The following EPHA6 variants were observed in gnomAD, a reference collection of about 807,000 sequenced individuals.
The protein encoded by EPHA6 is EPH receptor A6.
A neutral mutation model predicts 112.0 loss-of-function variants in EPHA6; 50 were observed. That is an observed-to-expected ratio of 0.45 (90% CI 0.36 to 0.56). The LOEUF is 0.56. Ranked by LOEUF, EPHA6 falls within the 20% of genes least tolerant of loss-of-function variation. The pLI is 0.00. For missense variants in EPHA6, 1,280 were observed against 1,417.4 expected (o/e 0.90, Z 1.56); for synonymous variants, 529 against 490.7 (o/e 1.08, Z -1.03).
At chr3:97,572,525 T>G (rs1351400003) in intron 11 of EPHA6, 1 of 152,170 alleles carries the variant, frequency 6.6e-6, no homozygotes, top group African/African-American at 2.4e-5. Flanking sequence ...ACATGTTTAT[T>G]GGATTATAAG....
chr3:97,677,869 G>C (rs1277158496), intron 14 of EPHA6, among the ~76,000 whole-genome samples: 1 of 151,994 alleles, frequency 6.6e-6, no homozygotes, highest in East Asian at 1.9e-4. Context: ...AAAAGAAGAG[G>C]AGTTAAAAGA....
Position 97,300,439 on chromosome 3 carries a change from G to C in EPHA6, c.1606+56152G>C, listed in dbSNP as rs1483679295. On this transcript the variant is annotated intron_variant, in intron 5 of 17. Coordinates refer to ENST00000389672, the MANE Select transcript of EPHA6 (RefSeq NM_001080448.3). ...AAGACAGTGCTCATACCCCACCCCA[G>C]TCACTCAAAGTGCACCCACCATACA... Among the ~76,000 whole-genome samples, 59 of 152,046 alleles carry C rather than the reference G, an allele frequency of 3.9e-4. 2 individuals are homozygous for C. Among genetic ancestry groups the C allele is most frequent in the Admixed American group, 3.9e-3 (59 of 15,254 alleles).
intron 14 of EPHA6, among the ~76,000 whole-genome samples, chr3:97,684,115 C>T (rs980290777): frequency 6.6e-6 from 1 of 152,072 alleles, no homozygotes; most frequent in Non-Finnish European, 1.5e-5. Context: ...GTCTACCTCC[C>T]CATGAAAATA....
At chr3:97,589,185 T>A (rs2107330576) in intron 11 of EPHA6, among the ~76,000 whole-genome samples, 1 of 151,760 alleles carries the variant, frequency 6.6e-6, no homozygotes, top group South Asian at 2.1e-4. Flanking sequence ...TAGCTCATGA[T>A]CTCTCGTTAG....
rs1577347978 is a variant in EPHA6 at position 97,424,011 on chromosome 3, A to G, written c.1731+18737A>G. 6.6e-5 allele frequency among the ~76,000 whole-genome samples: 10 copies of G among 152,310 alleles called. No homozygotes were observed. In the South Asian group the frequency reaches 2.1e-3, roughly 32 times the overall value. ...CTCTTCTCAGGCTGCTAATAAACAC[A>G]TACTTGAGACTGGGTAATTTATAAA... On this transcript the variant is annotated intron_variant, in intron 6 of 17. Coordinates refer to ENST00000389672, the MANE Select transcript of EPHA6 (RefSeq NM_001080448.3).
rs117712156 is a variant in EPHA6 at position 97,546,807 on chromosome 3, T to C, written c.2386+14264T>C. Among the ~76,000 whole-genome samples the C allele has an allele frequency of 1.3e-3, 201 of 152,306 alleles. 10 individuals are homozygous for C. In the East Asian group the frequency reaches 0.036, roughly 27 times the overall value. ...CTAAACTTCTCTTCTCACTTTATTTTGTTCATTTCCTCTTCCATCACTGAT... is the reference window on the plus strand; with the variant it reads ...CTAAACTTCTCTTCTCACTTTATTTCGTTCATTTCCTCTTCCATCACTGAT... On this transcript the variant is annotated intron_variant, in intron 11 of 17. Transcript: ENST00000389672.
chr3:96,938,297 C>G (rs551390269), intron 2 of EPHA6, among the ~76,000 whole-genome samples: 17 of 152,020 alleles, frequency 1.1e-4, no homozygotes, highest in South Asian at 6.2e-4. Context: ...GCAGTGGTTT[C>G]TAGTTCTCCT....
At chr3:96,964,616 C>T (rs1308717323) in intron 2 of EPHA6, among the ~76,000 whole-genome samples, 5 of 152,102 alleles carry the variant, frequency 3.3e-5, no homozygotes, top group Admixed American at 3.3e-4. Flanking sequence ...CTGATTGATG[C>T]ATACGTTTCA....
At chr3:96,878,053 G>A (rs531563783) in intron 2 of EPHA6, among the ~76,000 whole-genome samples, 3 of 151,630 alleles carry the variant, frequency 2.0e-5, no homozygotes, top group African/African-American at 7.2e-5. Context: ...CAAATTATAG[G>A]CTTACCTTAA....
intron 5 of EPHA6, among the ~76,000 whole-genome samples, chr3:97,326,158 G>T (rs1010595962): frequency 6.6e-6 from 1 of 151,710 alleles, no homozygotes; most frequent in Non-Finnish European, 1.5e-5. Flanking sequence ...TGACTCTCAG[G>T]GAATTTCAGA....
intron 1 of EPHA6, among the ~76,000 whole-genome samples, chr3:96,848,815 T>C (rs2035227214): frequency 6.6e-6 from 1 of 152,140 alleles, no homozygotes; most frequent in Admixed American, 6.6e-5. Context: ...TTCCTTATTC[T>C]TAGGTCATCT....
At chr3:97,627,486 G>A (rs566309612) in intron 13 of EPHA6, among the ~76,000 whole-genome samples, 2 of 151,890 alleles carry the variant, frequency 1.3e-5, no homozygotes, top group East Asian at 3.9e-4. Context: ...AAATATTCCA[G>A]GGAATAGTAA....
intron 3 of EPHA6, among the ~76,000 whole-genome samples, chr3:97,006,144 G>A (rs9832590): frequency 0.018 from 2,803 of 152,226 alleles, 74 homozygotes; most frequent in African/African-American, 0.052. Context: ...AATGAGTTAC[G>A]GAGGAGTTCC....
chr3:97,017,585 G>T (rs1363050359), intron 3 of EPHA6, among the ~76,000 whole-genome samples: 1 of 152,026 alleles, frequency 6.6e-6, no homozygotes, highest in Admixed American at 6.5e-5. Flanking sequence ...TGGACTCACA[G>T]CCAGTGGACT....
chr3:97,133,727 A>G (rs2075696120), intron 3 of EPHA6, among the ~76,000 whole-genome samples: 1 of 152,016 alleles, frequency 6.6e-6, no homozygotes, highest in South Asian at 2.1e-4. Context: ...GTATTAAAAT[A>G]TTTGTGTTAA....
At chr3:97,422,119 A>T (rs1301017060) in intron 6 of EPHA6, among the ~76,000 whole-genome samples, 1 of 140,716 alleles carries the variant, frequency 7.1e-6, no homozygotes, top group East Asian at 2.0e-4. Context: ...CATTATAGTC[A>T]TTTTAAGAAT....
chr3:97,095,474 C>A lies in EPHA6; in HGVS notation c.1114+107481C>A, dbSNP rs533221413. 2.2e-4 allele frequency among the ~76,000 whole-genome samples: 33 copies of A among 152,080 alleles called. No individual in the cohort carries two copies. In the South Asian group the frequency reaches 5.4e-3, roughly 25 times the overall value. ...ATGATAAAAAAAAGCATCCTGCTTT[C>A]TTTTGTTGTGACCATACCCCCCACC... On this transcript the variant is annotated intron_variant, in intron 3 of 17. Coordinates refer to ENST00000389672, the MANE Select transcript of EPHA6 (RefSeq NM_001080448.3).
At chr3:97,084,327 C>G (rs934433208) in intron 3 of EPHA6, among the ~76,000 whole-genome samples, 5 of 151,000 alleles carry the variant, frequency 3.3e-5, no homozygotes, top group African/African-American at 1.2e-4. Context: ...TCGTATAGCC[C>G]TTATAACACA....
intron 6 of EPHA6, among the ~76,000 whole-genome samples, chr3:97,435,875 T>G (rs1479334922): frequency 6.6e-6 from 1 of 152,202 alleles, no homozygotes; most frequent in African/African-American, 2.4e-5. Flanking sequence ...TGCCTTGAAT[T>G]ACTCTACTCG....
Sources: gnomAD v4.1 joint callset for allele counts (sites outside exome capture counted in the v4.1 genomes callset) on GRCh38, gnomAD v4.1.1 for gene constraint, MANE v1.5 for transcripts, NCBI Gene and HGNC (gene_info 2026-07-23, HGNC 2026-07-21) for gene names.